Variants in UPF1 observed in about 807,000 individuals in gnomAD.
UPF1 encodes the protein regulator of nonsense transcripts 1.
Under a neutral mutation model 129.2 loss-of-function variants are expected in UPF1, and 9 were observed. The observed-to-expected ratio is 0.07, with a 90% CI of 0.04 to 0.12. UPF1 has a LOEUF of 0.12. Ranked by LOEUF, UPF1 falls within the 10% of genes least tolerant of loss-of-function variation. The probability of loss-of-function intolerance (pLI) is 1.00; values close to 1 mark genes in which losing one functional copy is unlikely to be tolerated. For missense variants in UPF1, 788 were observed against 1,525.3 expected (o/e 0.52, Z 8.05); for synonymous variants, 649 against 644.9 (o/e 1.01, Z -0.10).
intron 1 of UPF1, among the ~76,000 whole-genome samples, chr19:18,836,726 CA>C (rs1275200427): frequency 3.3e-5 from 5 of 150,962 alleles, no homozygotes; most frequent in Admixed American, 3.3e-4. Flanking sequence ...AAAGAAAAGT[CA>C]GGGAGATACC....
chr19:18,854,692 G>A lies in UPF1; in HGVS notation c.1248G>A (p.Lys416=). Residue 416 remains lysine (K), a synonymous_variant, in exon 9 of 24, where the codon AAG becomes AAA. Transcript: ENST00000262803. ...ACTTCCAGGTGGATTTTGTGTGGAAGTCGACCTCCTTTGACAGGTACGTCT... is the reference window on the plus strand; with the variant it reads ...ACTTCCAGGTGGATTTTGTGTGGAAATCGACCTCCTTTGACAGGTACGTCT... ...THNFQVDFVW[K]STSFDRMQSA... 1 of 1,613,956 alleles carries A rather than the reference G, an allele frequency of 6.2e-7. No individual in the cohort carries two copies. Among genetic ancestry groups the A allele is most frequent in the Non-Finnish European group, 8.5e-7 (1 of 1,180,012 alleles).
Position 18,865,471 on chromosome 19 carries a change from C to A in UPF1, c.3019+21C>A, listed in dbSNP as rs1305879867. 1.2e-6 allele frequency: 2 copies of A among 1,611,872 alleles called. No homozygotes were observed. Among genetic ancestry groups the A allele is most frequent in the African/African-American group, 2.7e-5 (2 of 74,916 alleles). ...TGCAGGTGAGCATCTGTGGCTGCGG[C>A]TGGGTGTGGCCCTCCTGAGAGCTCT... On this transcript the variant is annotated intron_variant, in intron 21 of 23. Coordinates refer to ENST00000262803, the MANE Select transcript of UPF1 (RefSeq NM_002911.4). This position sits in a 1 kb window ranked among gnomAD's most constrained non-coding sequence, Gnocchi z 6.1.
rs772105793 is a variant in UPF1, at chr19:18,855,106, C to T, written c.1426-18C>T. The T allele has an allele frequency of 8.7e-6, 14 of 1,613,600 alleles. No individual in the cohort carries two copies. Among genetic ancestry groups the T allele is most frequent in the East Asian group, 6.7e-5 (3 of 44,880 alleles). ...GGACGCAAGCGGAGGCTGCCCCTAACGGCCGCTTGTATTGAAGGTTTATGC... is the reference window on the plus strand; with the variant it reads ...GGACGCAAGCGGAGGCTGCCCCTAATGGCCGCTTGTATTGAAGGTTTATGC... On this transcript the variant is annotated intron_variant, in intron 10 of 23. Coordinates refer to ENST00000262803, the MANE Select transcript of UPF1 (RefSeq NM_002911.4).
intron 1 of UPF1, among the ~76,000 whole-genome samples, chr19:18,839,071 A>C (rs2145933959): frequency 6.6e-6 from 1 of 152,170 alleles, no homozygotes; most frequent in South Asian, 2.1e-4. Flanking sequence ...GCTTGATTGA[A>C]GTCTGATGAC....
Position 18,832,160 on chromosome 19 carries a change from G to A in UPF1, c.-50G>A, listed in dbSNP as rs368452687. 2.0e-6 allele frequency: 3 copies of A among 1,475,878 alleles called. No homozygotes were observed. The highest frequency in any genetic ancestry group is 1.8e-4 in the Middle Eastern group (1 of 5,528). 91.4% of individuals were successfully genotyped at this position (1,475,878 alleles called of 1,614,324 possible). On this transcript the variant is annotated 5_prime_UTR_variant, in exon 1 of 24. Transcript: ENST00000262803. This position sits in a 1 kb window ranked among gnomAD's most constrained non-coding sequence, Gnocchi z 5.6. ...GCGGCCTAGGCCTCAGCGCGGCGGC[G>A]GGCTCGAGTGCAGCGCGGAACCGGC...
chr19:18,866,283 G>C, intron 23 of UPF1, 117 bp downstream of exon 23: 1 of 1,401,810 alleles, frequency 7.1e-7, no homozygotes, highest in Non-Finnish European at 9.3e-7. Context: ...TGCTGTGCCT[G>C]GTGGGGGTCA....
intron 1 of UPF1, among the ~76,000 whole-genome samples, chr19:18,842,726 G>A (rs2055554641): frequency 1.3e-5 from 2 of 151,890 alleles, no homozygotes; most frequent in African/African-American, 2.4e-5. Context: ...GGTGCTGGGT[G>A]CAGTGGCTCA....
At position 18,850,313 on chromosome 19, in the gene UPF1, A is replaced by C; in HGVS notation, c.629+71A>C. 1 of 1,504,374 alleles carries C rather than the reference A, an allele frequency of 6.6e-7. No individual in the cohort carries two copies. Among genetic ancestry groups the C allele is most frequent in the South Asian group, 1.3e-5 (1 of 74,262 alleles). The allele number at this position is 1,504,374 out of a possible 1,614,324, so 93.2% of individuals were successfully genotyped here. A position where few individuals can be genotyped will look rare whatever the true frequency, so the allele number is the denominator to read the frequency against. Reference sequence around the variant, plus strand: ...GCCGTCTCCTCACAAGCCTTGGCCCAGCCCAGCCCAGCCGTGGCTCTAACT... The same window carrying C: ...GCCGTCTCCTCACAAGCCTTGGCCCCGCCCAGCCCAGCCGTGGCTCTAACT... On this transcript the variant is annotated intron_variant, in intron 4 of 23. Transcript: ENST00000262803. This position sits in a 1 kb window ranked among gnomAD's most constrained non-coding sequence, Gnocchi z 7.1.
chr19:18,861,128 G>A, intron 17 of UPF1, 146 bp downstream of exon 17: 2 of 1,112,536 alleles, frequency 1.8e-6, no homozygotes, highest in Middle Eastern at 3.0e-4. Flanking sequence ...CCTCTGGGGA[G>A]GGCACAGACA....
chr19:18,845,094 G>A (rs533088479), intron 1 of UPF1, among the ~76,000 whole-genome samples: 2 of 152,352 alleles, frequency 1.3e-5, no homozygotes, highest in East Asian at 1.9e-4. Context: ...GCATTAGGCC[G>A]AGGGGCTGTC....
chr19:18,860,694 C>T, intron 16 of UPF1, 132 bp from the exon 17 acceptor site: 3 of 1,335,754 alleles, frequency 2.2e-6, no homozygotes, highest in South Asian at 1.4e-5. Flanking sequence ...GCTGGGGAAG[C>T]TCAGCTGTGC....
At chr19:18,858,891 T>C (rs2055746652) in intron 15 of UPF1, among the ~76,000 whole-genome samples, 1 of 152,242 alleles carries the variant, frequency 6.6e-6, no homozygotes, top group Admixed American at 6.5e-5. Context: ...AAAAGCTGTT[T>C]GGACTCCCTA....
intron 3 of UPF1, chr19:18,849,507 C>T (rs1195760634): frequency 1.3e-5 from 2 of 159,526 alleles, no homozygotes; most frequent in Non-Finnish European, 2.8e-5. Flanking sequence ...GGGCTTCACA[C>T]ACAGCCCTGG....
chr19:18,843,582 G>A (rs2145941024), intron 1 of UPF1, among the ~76,000 whole-genome samples: 1 of 139,046 alleles, frequency 7.2e-6, no homozygotes, highest in African/African-American at 2.7e-5. Flanking sequence ...GCAGTGGTGT[G>A]ATCTCGGCTC....
At chr19:18,866,292 C>T (rs2055843394) in intron 23 of UPF1, 126 bp downstream of exon 23, 1 of 1,372,040 alleles carries the variant, frequency 7.3e-7, no homozygotes, top group Non-Finnish European at 9.5e-7. Flanking sequence ...TGGTGGGGGT[C>T]ATAGGCCCTC....
chr19:18,839,480 C>T (rs2055518349), intron 1 of UPF1, among the ~76,000 whole-genome samples: 1 of 152,172 alleles, frequency 6.6e-6, no homozygotes. Flanking sequence ...TCTGATTTCT[C>T]TTTCGCTCCT....
intron 1 of UPF1, among the ~76,000 whole-genome samples, chr19:18,837,620 G>C (rs1161021463): frequency 3.9e-5 from 6 of 152,224 alleles, no homozygotes; most frequent in African/African-American, 1.2e-4. Context: ...TCACCTGAAA[G>C]TATGAGGTCT....
chr19:18,833,529 G>A (rs2055451220), intron 1 of UPF1, among the ~76,000 whole-genome samples: 1 of 151,800 alleles, frequency 6.6e-6, no homozygotes, highest in Non-Finnish European at 1.5e-5. Flanking sequence ...TGCATTTCCT[G>A]GTCCTGGGCG....
chr19:18,857,399 C>A lies in UPF1; in HGVS notation c.2048C>A (p.Ser683Ter). 6.2e-7 allele frequency: 1 copy of A among 1,613,528 alleles called. No individual in the cohort carries two copies. The highest frequency in any genetic ancestry group is 1.1e-5 in the South Asian group (1 of 91,064). The change falls in exon 15 of 24, where the codon TCG (serine) becomes TAG (stop). Residue 683 changes from serine (S) to a stop codon, truncating the protein, a stop_gained. Transcript: ENST00000262803. LOFTEE classifies it high-confidence loss of function. ...GCGGCCAAGGCCGGGCTGTCACAGT[C>A]GCTCTTCGAGCGCCTGGTGGTGCTG... ...KKAAKAGLSQ[S>*]LFERLVVLGI...
Sources: allele counts gnomAD v4.1 joint callset (sites outside exome capture counted in the v4.1 genomes callset), GRCh38; gene constraint gnomAD v4.1.1; non-coding constraint Gnocchi (gnomAD v3.1); transcripts MANE v1.5; gene names NCBI Gene and HGNC (gene_info 2026-07-23, HGNC 2026-07-21).